UGT2A2: variants seen among roughly 807,000 people sequenced by gnomAD.
The protein encoded by UGT2A2 is UDP glucuronosyltransferase family 2 member A2.
A neutral mutation model predicts 50.7 loss-of-function variants in UGT2A2; 60 were observed. The ratio of observed to expected loss-of-function variants is 1.18; its 90% CI spans 0.96 to 1.47. The LOEUF (loss-of-function observed/expected upper bound fraction) is 1.47, where lower values mean the gene tolerates loss of function less well. Among genes scored for constraint, UGT2A2 ranks in the 40% most tolerant of loss-of-function variants. The pLI is 0.00. For missense variants in UGT2A2, 762 were observed against 634.0 expected, an observed-to-expected ratio of 1.20 and a Z score of -2.17; for synonymous variants, 242 against 214.6, an observed-to-expected ratio of 1.13 and a Z score of -1.11.
intron 1 of UGT2A2, among the ~76,000 whole-genome samples, chr4:69,627,428 TAAG>T (rs995862185): frequency 1.7e-4 from 26 of 149,738 alleles, no homozygotes; most frequent in Admixed American, 1.7e-3. Context: ...AAATTCCAAA[TAAG>T]AAATATTTTT....
chr4:69,611,340 A>T (rs1720037568), intron 1 of UGT2A2, among the ~76,000 whole-genome samples: 1 of 136,268 alleles, frequency 7.3e-6, no homozygotes, highest in Non-Finnish European at 1.6e-5. Flanking sequence ...AAAGTCAGAA[A>T]CAACAAAATA....
At chr4:69,598,706 AAG>A (rs1029028181) in intron 2 of UGT2A2, among the ~76,000 whole-genome samples, 25 of 152,212 alleles carry the variant, frequency 1.6e-4, no homozygotes, top group African/African-American at 6.0e-4. Context: ...GTCAACTCAA[AAG>A]AGTTTTTTTT....
chr4:69,605,529 T>A lies in UGT2A2; in HGVS notation c.743-6135A>T, dbSNP rs1054225724. ...TGAAAGAACTAGAGAAGCAAGAGCA[T>A]AACACATTCAAGACCTAGCAGAAGG... is the stretch of plus-strand genomic sequence containing the variant. On this transcript the variant is annotated intron_variant, in intron 1 of 5. Transcript: ENST00000604629. Among the ~76,000 whole-genome samples, 3 of 134,706 alleles carry A rather than the reference T, an allele frequency of 2.2e-5. 1 individual carries two copies. The South Asian group carries it at 7.3e-4, about 33-fold the overall frequency. 88.4% of individuals were successfully genotyped at this position (134,706 alleles called of 152,430 possible). A position where few individuals can be genotyped will look rare whatever the true frequency, so the allele number is the denominator to read the frequency against.
chr4:69,638,209 A>G (rs549435729), intron 1 of UGT2A2, among the ~76,000 whole-genome samples: 42 of 152,090 alleles, frequency 2.8e-4, no homozygotes, highest in Non-Finnish European at 5.9e-4. Flanking sequence ...TGGAGGCAAA[A>G]TCATCAAGAG....
intron 1 of UGT2A2, among the ~76,000 whole-genome samples, chr4:69,600,494 G>A (rs760470619): frequency 9.2e-5 from 14 of 152,168 alleles, no homozygotes; most frequent in Admixed American, 4.6e-4. Context: ...AGTGTGCTAT[G>A]GCCACAGGCA....
At chr4:69,609,597 T>C (rs181905620) in intron 1 of UGT2A2, among the ~76,000 whole-genome samples, 34 of 152,308 alleles carry the variant, frequency 2.2e-4, no homozygotes, top group East Asian at 2.1e-3. Context: ...ATGGGAAATA[T>C]AACACCCTAC....
At chr4:69,611,276 G>C (rs960406729) in intron 1 of UGT2A2, among the ~76,000 whole-genome samples, 1 of 100,900 alleles carries the variant, frequency 9.9e-6, no homozygotes, top group Non-Finnish European at 2.1e-5. Flanking sequence ...CTCCCAGTAG[G>C]TCACCTCCAA....
intron 2 of UGT2A2, 139 bp downstream of exon 2, chr4:69,599,106 TC>T (rs1271872367): frequency 1.6e-6 from 2 of 1,284,246 alleles, no homozygotes; most frequent in Non-Finnish European, 2.1e-6. Flanking sequence ...GTAGGAGACC[TC>T]TATCACAAGG....
chr4:69,590,315 A>G (rs2109871331), intron 5 of UGT2A2, among the ~76,000 whole-genome samples: 1 of 152,350 alleles, frequency 6.6e-6, no homozygotes, highest in Admixed American at 6.5e-5. Context: ...TGCCATCACA[A>G]TAGAGATAGT....
At chr4:69,635,587 T>G (rs1029139902) in intron 1 of UGT2A2, 1 of 168,706 alleles carries the variant, frequency 5.9e-6, no homozygotes, top group African/African-American at 2.4e-5. Context: ...CCCAGCAATT[T>G]GTGAGGCCAA....
intron 1 of UGT2A2, among the ~76,000 whole-genome samples, chr4:69,616,833 C>CT (rs4148315): frequency 0.032 from 4,094 of 127,226 alleles, 203 homozygotes; most frequent in African/African-American, 0.1. Context: ...ATTTTCTTTT[C>CT]TTTTTTTTTT....
rs2109906759 is a variant in UGT2A2, at chr4:69,606,787, CAG to C, written c.743-7395_743-7394del. ...TTCTTATACACCAATAACAGACAAACAGAGAGCCAAATCACGAGTGAGCTCCC... is the reference window on the plus strand; with the variant it reads ...TTCTTATACACCAATAACAGACAAACAGAGCCAAATCACGAGTGAGCTCCC... On this transcript the variant is annotated intron_variant, in intron 1 of 5. Transcript: ENST00000604629. 1.5e-5 allele frequency among the ~76,000 whole-genome samples: 2 copies of C among 136,700 alleles called. 1 individual carries two copies. The highest frequency in any genetic ancestry group is 4.8e-4 in the South Asian group (2 of 4,138). 89.7% of individuals were successfully genotyped at this position (136,700 alleles called of 152,430 possible). A position where few individuals can be genotyped will look rare whatever the true frequency, so the allele number is the denominator to read the frequency against.
At chr4:69,617,969 T>A (rs150269706) in intron 1 of UGT2A2, among the ~76,000 whole-genome samples, 1 of 151,952 alleles carries the variant, frequency 6.6e-6, no homozygotes, top group African/African-American at 2.4e-5. Context: ...TGTTCAAATA[T>A]GTCTTTCGGA....
At chr4:69,614,727 G>A (rs1470415924) in intron 1 of UGT2A2, among the ~76,000 whole-genome samples, 1 of 151,996 alleles carries the variant, frequency 6.6e-6, no homozygotes, top group Non-Finnish European at 1.5e-5. Context: ...GAAAGGAATG[G>A]ACTCTTAATG....
intron 1 of UGT2A2, among the ~76,000 whole-genome samples, chr4:69,628,449 T>C (rs1457043529): frequency 6.6e-6 from 1 of 151,636 alleles, no homozygotes; most frequent in Non-Finnish European, 1.5e-5. Flanking sequence ...AACCTACCCA[T>C]ATATGGTCAG....
At chr4:69,622,624 A>G (rs565861918) in intron 1 of UGT2A2, among the ~76,000 whole-genome samples, 11 of 151,928 alleles carry the variant, frequency 7.2e-5, no homozygotes, top group Non-Finnish European at 1.2e-4. Context: ...TGGATATTGT[A>G]CTGCCAGTTC....
At chr4:69,617,988 A>G (rs1354734780) in intron 1 of UGT2A2, among the ~76,000 whole-genome samples, 1 of 151,978 alleles carries the variant, frequency 6.6e-6, no homozygotes, top group Admixed American at 6.6e-5. Context: ...GAAATCATTC[A>G]CATTTGGGAT....
chr4:69,597,188 A>G (rs1214433382), intron 2 of UGT2A2, among the ~76,000 whole-genome samples: 1 of 152,168 alleles, frequency 6.6e-6, no homozygotes, highest in Non-Finnish European at 1.5e-5. Flanking sequence ...AGGTCTAAGA[A>G]AAAATTTGTT....
At chr4:69,618,221 T>TTGTGTGTGTG (rs112693693) in intron 1 of UGT2A2, among the ~76,000 whole-genome samples, 36 of 144,612 alleles carry the variant, frequency 2.5e-4, no homozygotes, top group South Asian at 6.7e-4. Context: ...GTGTGTATGT[T>TTGTGTGTGTG]TGTGTGTGTG....
Sources: allele counts gnomAD v4.1 joint callset (sites outside exome capture counted in the v4.1 genomes callset), GRCh38; gene constraint gnomAD v4.1.1; transcripts MANE v1.5; gene names NCBI Gene and HGNC (gene_info 2026-07-23, HGNC 2026-07-21).